The following CES2 variants were observed in gnomAD, a reference collection of about 807,000 sequenced individuals.
CES2 encodes the protein carboxylesterase 2, also known as cocaine esterase.
A neutral mutation model predicts 52.1 loss-of-function variants in CES2; 42 were observed. The ratio of observed to expected loss-of-function variants is 0.81; its 90% CI spans 0.63 to 1.04. CES2 has a LOEUF of 1.04. CES2 is among the 50% of genes least tolerant of loss of function. The probability of loss-of-function intolerance (pLI) is 0.00; values close to 1 mark genes in which losing one functional copy is unlikely to be tolerated. For synonymous variants in CES2, 277 were observed against 289.6 expected, an observed-to-expected ratio of 0.96 and a Z score of 0.44; for missense variants, 656 against 724.3, an observed-to-expected ratio of 0.91 and a Z score of 1.08.
rs201388975 is a variant in CES2, at chr16:66,941,205, A to T, written c.898A>T (p.Ile300Phe). 3.2e-5 allele frequency: 51 copies of T among 1,614,108 alleles called. No homozygotes were observed. Among genetic ancestry groups the T allele is most frequent in the Non-Finnish European group, 4.0e-5 (47 of 1,179,994 alleles). ...CCTGCGGGGCAAGAGTAAAGAGGAG[A>T]TTCTTGCAATTAACAAGGTTGGTCT... Reference protein sequence around the residue: ...GCLRGKSKEEILAINKPFKMI... With the variant: ...GCLRGKSKEEFLAINKPFKMI... Residue 300 changes from isoleucine (I) to phenylalanine (F), a missense_variant, in exon 6 of 12, where the codon ATT becomes TTT. By Grantham distance (21) the Ile-to-Phe change is conservative (BLOSUM62 0). Transcript: ENST00000317091.
At chr16:66,935,130 T>TC (rs2145495337), upstream of CES2, 1 of 308,754 alleles carries the variant, frequency 3.2e-6, no homozygotes, top group African/African-American at 2.1e-5. Flanking sequence ...GCGCCGACAC[T>TC]CCTTCCTGCC....
In CES2 at chr16:66,938,248, T is replaced by C. The variant is rs780556873; in HGVS notation, c.281+7T>C. ...GAACCACCCATCCGGCCATGTAAGCTCTCCAAGGGGTCCAGGGAACTCCAG... is the reference window on the plus strand; with the variant it reads ...GAACCACCCATCCGGCCATGTAAGCCCTCCAAGGGGTCCAGGGAACTCCAG... On this transcript the variant is annotated splice_region_variant and intron_variant, in intron 2 of 11. Transcript: ENST00000317091. 2 of 1,607,942 alleles carry C rather than the reference T, an allele frequency of 1.2e-6. No individual in the cohort carries two copies. Among genetic ancestry groups the C allele is most frequent in the Admixed American group, 1.7e-5 (1 of 59,976 alleles).
chr16:66,941,276 G>A (rs1002876636), intron 6 of CES2, 54 bp downstream of exon 6: 53 of 1,599,868 alleles, frequency 3.3e-5, no homozygotes, highest in Non-Finnish European at 4.2e-5. Flanking sequence ...GCATGGGGCT[G>A]GCAGGCCTGC....
intron 3 of CES2, among the ~76,000 whole-genome samples, chr16:66,939,895 G>A (rs542994716): frequency 1.3e-5 from 2 of 152,164 alleles, no homozygotes; most frequent in Non-Finnish European, 2.9e-5. Flanking sequence ...TGTTGAAACG[G>A]GGTCTCACTA....
chr16:66,940,371 G>T lies in CES2; in HGVS notation c.557+16G>T. On this transcript the variant is annotated intron_variant, in intron 4 of 11. Coordinates refer to ENST00000317091, the MANE Select transcript of CES2 (RefSeq NM_001365405.1). ...GCTTCTTCAGGTGAGACTAGGGCTG[G>T]GCTGGGCAACCCGGGCTGAGCGGGG... The T allele has an allele frequency of 6.2e-7, 1 of 1,614,200 alleles. No individual in the cohort carries two copies.
chr16:66,943,639 C>A lies in CES2; in HGVS notation c.1494-200C>A. ...AGAGAGAGGGACACAACAGAGCTGG[C>A]TGCCCTCCCCCAACCCCCACTGGTG... On this transcript the variant is annotated intron_variant, in intron 11 of 11. Coordinates refer to ENST00000317091, the MANE Select transcript of CES2 (RefSeq NM_001365405.1). The surrounding 1 kb of genome is among the most constrained non-coding windows in gnomAD (Gnocchi z 4.2). 1.7e-6 allele frequency: 1 copy of A among 580,554 alleles called. No homozygotes were observed. Among genetic ancestry groups the A allele is most frequent in the East Asian group, 2.9e-5 (1 of 34,776 alleles). 36.0% of individuals were successfully genotyped at this position (580,554 alleles called of 1,614,324 possible).
chr16:66,942,411 C>A, intron 9 of CES2, 162 bp downstream of exon 9: 1 of 866,454 alleles, frequency 1.2e-6, no homozygotes, highest in Non-Finnish European at 1.7e-6. Flanking sequence ...CCCAAGAATC[C>A]GACATTTCCC....
At chr16:66,942,557 C>A in intron 9 of CES2, 91 bp from the exon 10 acceptor site, 1 of 1,445,352 alleles carries the variant, frequency 6.9e-7, no homozygotes, top group Non-Finnish European at 9.5e-7. Context: ...AGATTCCAGC[C>A]AGCTTTGGAC....
In CES2 at chr16:66,943,244, G is replaced by A; in HGVS notation, c.1421-55G>A. ...CGGGGGCCAAGGACGAGCTCCACCT[G>A]GGATGCTGAGGTTGGACATCCTGAT... On this transcript the variant is annotated intron_variant, in intron 10 of 11. Transcript: ENST00000317091. The surrounding 1 kb of genome is among the most constrained non-coding windows in gnomAD (Gnocchi z 4.2). 1.9e-6 allele frequency: 3 copies of A among 1,583,764 alleles called. No homozygotes were observed. In the South Asian group the frequency reaches 3.3e-5, roughly 18 times the overall value.
chr16:66,941,066 G>T (rs1222287699), intron 5 of CES2, 58 bp from the exon 6 acceptor site: 2 of 1,604,482 alleles, frequency 1.2e-6, no homozygotes, highest in South Asian at 1.1e-5. Flanking sequence ...AGGGCCTTGG[G>T]CAAACTCCTC....
At position 66,939,203 on chromosome 16, in the gene CES2, G is replaced by A. The variant is rs201857175; in HGVS notation, c.282-14G>A. ...AGCCTGGCCCCTGGACTGATTATTTGCCCTGGTTACCAGGTGTCTACAGGA... is the reference window on the plus strand; with the variant it reads ...AGCCTGGCCCCTGGACTGATTATTTACCCTGGTTACCAGGTGTCTACAGGA... On this transcript the variant is annotated splice_polypyrimidine_tract_variant and intron_variant, in intron 2 of 11. Coordinates refer to ENST00000317091, the MANE Select transcript of CES2 (RefSeq NM_001365405.1). 64 of 1,611,558 alleles carry A rather than the reference G, an allele frequency of 4.0e-5. No individual in the cohort carries two copies. The highest frequency in any genetic ancestry group is 5.1e-5 in the Non-Finnish European group (60 of 1,178,622).
chr16:66,943,278 A>C lies in CES2; in HGVS notation c.1421-21A>C, dbSNP rs760804298. The C allele has an allele frequency of 2.5e-6, 4 of 1,613,472 alleles. No individual in the cohort carries two copies. The South Asian group carries it at 4.4e-5, about 18-fold the overall frequency. ...AGGTTGGACATCCTGATGAAGACAC[A>C]TGTCCTCTTCCTCTTGGCAGTTAAA... is the stretch of plus-strand genomic sequence containing the variant. On this transcript the variant is annotated intron_variant, in intron 10 of 11. Transcript: ENST00000317091. The surrounding 1 kb of genome is among the most constrained non-coding windows in gnomAD (Gnocchi z 4.2).
rs28382827 is a variant in CES2, at chr16:66,943,992, C to T, written c.1647C>T (p.Leu549=). The T allele has an allele frequency of 0.015, 23,887 of 1,578,936 alleles. 746 individuals are homozygous for T. Among genetic ancestry groups the T allele is most frequent in the South Asian group, 0.093 (8,132 of 87,270 alleles). ...KKALPQKIQE[L]EEPEERHTEL The stretch of plus-strand genomic sequence containing the variant: ...CGCTGCCCCAAAAGATCCAGGAGCT[C>T]GAGGAGCCTGAAGAGAGACACACAG... Residue 549 remains leucine, a synonymous_variant, in exon 12 of 12, where the codon CTC becomes CTT. Transcript: ENST00000317091. This position sits in a 1 kb window ranked among gnomAD's most constrained non-coding sequence, Gnocchi z 4.2.
At chr16:66,935,801 C>T (rs1319285090) in intron 1 of CES2, 90 bp downstream of exon 1, 7 of 1,591,154 alleles carry the variant, frequency 4.4e-6, no homozygotes, top group Non-Finnish European at 5.1e-6. Flanking sequence ...AGGGCAGGCG[C>T]CTGGGAGGTA....
Position 66,942,463 on chromosome 16 carries a change from G to GA in CES2, c.1283-184dup, listed in dbSNP as rs1963390587. On this transcript the variant is annotated intron_variant, in intron 9 of 11. Transcript: ENST00000317091. ...CAAATTGAAGTTAGGGACCTTCAGT[G>GA]ACTTGCCCAAGATGACACAGCAAAG... is the stretch of plus-strand genomic sequence containing the variant. The GA allele has an allele frequency of 2.6e-5, 21 of 804,534 alleles. No individual in the cohort carries two copies. In the Middle Eastern group the frequency reaches 2.6e-3, roughly 101 times the overall value. 49.8% of individuals were successfully genotyped at this position (804,534 alleles called of 1,614,324 possible). A position where few individuals can be genotyped will look rare whatever the true frequency, so the allele number is the denominator to read the frequency against.
At position 66,939,235 on chromosome 16, in the gene CES2, C is replaced by T. The variant is rs144625539; in HGVS notation, c.300C>T (p.Thr100=). Residue 100 remains threonine, a synonymous_variant, in exon 3 of 12, where the codon ACC becomes ACT. Coordinates refer to ENST00000317091, the MANE Select transcript of CES2 (RefSeq NM_001365405.1). Reference sequence around the variant, plus strand: ...TTACCAGGTGTCTACAGGACCTCACCGCAGTGGAGTCAGAGTTTCTTAGCC... The same window carrying T: ...TTACCAGGTGTCTACAGGACCTCACTGCAGTGGAGTCAGAGTTTCTTAGCC... ...THPAMCLQDL[T]AVESEFLSQF... 39 of 1,613,540 alleles carry T rather than the reference C, an allele frequency of 2.4e-5. No homozygotes were observed. Among genetic ancestry groups the T allele is most frequent in the African/African-American group, 2.1e-4 (16 of 74,928 alleles).
At position 66,938,157 on chromosome 16, in the gene CES2, C is replaced by T. The variant is rs1416965868; in HGVS notation, c.197C>T (p.Pro66Leu). The change falls in exon 2 of 12, where the codon CCA becomes CTA. Residue 66 changes from proline (P) to leucine (L), a missense_variant. Coordinates refer to ENST00000317091, the MANE Select transcript of CES2 (RefSeq NM_001365405.1). The stretch of plus-strand genomic sequence containing the variant: ...TTCCTGGGAATTCCATTTGCCAAGC[C>T]ACCTCTAGGTCCGCTGCGATTTGCA... ...QTFLGIPFAK[P>L]PLGPLRFAPP... is the part of the protein sequence containing the mutation. 1 of 1,614,040 alleles carries T rather than the reference C, an allele frequency of 6.2e-7. No individual in the cohort carries two copies. Among genetic ancestry groups the T allele is most frequent in the Non-Finnish European group, 8.5e-7 (1 of 1,180,028 alleles).
chr16:66,941,422 C>G (rs1430117074), intron 6 of CES2, 84 bp from the exon 7 acceptor site: 3 of 1,562,432 alleles, frequency 1.9e-6, no homozygotes, highest in East Asian at 4.5e-5. Context: ...CAGGGATAAA[C>G]TGGGAAGGAG....
Position 66,941,204 on chromosome 16 carries a change from G to A in CES2, c.897G>A (p.Glu299=), listed in dbSNP as rs1399157438. The change falls in exon 6 of 12, where the codon GAG becomes GAA. Residue 299 remains glutamate, a synonymous_variant. Coordinates refer to ENST00000317091, the MANE Select transcript of CES2 (RefSeq NM_001365405.1). Reference sequence around the variant, plus strand: ...GCCTGCGGGGCAAGAGTAAAGAGGAGATTCTTGCAATTAACAAGGTTGGTC... The same window carrying A: ...GCCTGCGGGGCAAGAGTAAAGAGGAAATTCTTGCAATTAACAAGGTTGGTC... ...VGCLRGKSKE[E]ILAINKPFKM... 1 of 1,614,120 alleles carries A rather than the reference G, an allele frequency of 6.2e-7. No individual in the cohort carries two copies. Among genetic ancestry groups the A allele is most frequent in the East Asian group, 2.2e-5 (1 of 44,874 alleles).
Sources: gnomAD v4.1 joint callset for allele counts (sites outside exome capture counted in the v4.1 genomes callset) on GRCh38, gnomAD v4.1.1 for gene constraint, Gnocchi (gnomAD v3.1) non-coding constraint, MANE v1.5 for transcripts, NCBI Gene and HGNC (gene_info 2026-07-23, HGNC 2026-07-21) for gene names.